Variants in SYNE2 observed in about 807,000 individuals in gnomAD.
SYNE2 encodes spectrin repeat containing nuclear envelope protein 2, also known as nesprin-2.
A neutral mutation model predicts 856.3 loss-of-function variants in SYNE2; 431 were observed. That is an observed-to-expected ratio of 0.50 (90% CI 0.47 to 0.55). SYNE2 has a LOEUF of 0.55. Among genes scored for constraint, SYNE2 ranks in the 20% least tolerant of loss-of-function variants. The probability of loss-of-function intolerance (pLI) is 0.00; values close to 1 mark genes in which losing one functional copy is unlikely to be tolerated. For synonymous variants in SYNE2, 2,923 were observed against 2,872.3 expected (o/e 1.02, Z -0.56); for missense variants, 8,129 against 8,023.2 (o/e 1.01, Z -0.50).
chr14:64,215,693 A>T, intron 107 of SYNE2: 1 of 447,388 alleles, frequency 2.2e-6, no homozygotes, highest in Non-Finnish European at 4.0e-6. Flanking sequence ...CTTGGTTTGG[A>T]ACTGTTTCCT....
chr14:63,765,509 T>A (rs984677341), intron 1 of SYNE2, among the ~76,000 whole-genome samples: 1 of 152,068 alleles, frequency 6.6e-6, no homozygotes, highest in African/African-American at 2.4e-5. Flanking sequence ...CCCGCCACCA[T>A]GCCCGGCTAA....
intron 84 of SYNE2, among the ~76,000 whole-genome samples, chr14:64,146,477 T>C (rs1460368049): frequency 4.6e-5 from 7 of 152,254 alleles, no homozygotes; most frequent in Non-Finnish European, 1.0e-4. Context: ...AGTAGTACTC[T>C]TGGGGAAAAA....
At chr14:63,806,544 T>C (rs554207284) in intron 1 of SYNE2, among the ~76,000 whole-genome samples, 1 of 152,242 alleles carries the variant, frequency 6.6e-6, no homozygotes, top group South Asian at 2.1e-4. Context: ...TTCAGTAGGA[T>C]AGGTACCAGC....
At chr14:64,158,843 A>T (rs986402761) in intron 86 of SYNE2, 48 bp downstream of exon 86, 1 of 1,596,330 alleles carries the variant, frequency 6.3e-7, no homozygotes, top group African/African-American at 1.3e-5. Context: ...AGGAAATTAC[A>T]AATGGGAGGA....
chr14:63,933,720 G>T (rs2095794942), intron 2 of SYNE2, among the ~76,000 whole-genome samples: 1 of 152,088 alleles, frequency 6.6e-6, no homozygotes. Flanking sequence ...ATTCATCATT[G>T]TAGTAGATTG....
chr14:64,053,679 G>T, intron 48 of SYNE2, 22 bp downstream of exon 48: 2 of 1,610,108 alleles, frequency 1.2e-6, no homozygotes, highest in Non-Finnish European at 1.7e-6. Flanking sequence ...AAATTATGCA[G>T]TTAGTGGCTG....
chr14:64,118,920 T>C (rs576247885), intron 66 of SYNE2, among the ~76,000 whole-genome samples: 22 of 152,194 alleles, frequency 1.4e-4, no homozygotes, highest in Middle Eastern at 6.8e-3. Flanking sequence ...TCTGCACTTT[T>C]TAAGCACAGA....
At chr14:64,160,000 T>A (rs1335160517) in intron 87 of SYNE2, among the ~76,000 whole-genome samples, 4 of 152,200 alleles carry the variant, frequency 2.6e-5, no homozygotes, top group Admixed American at 6.5e-5. Flanking sequence ...CTCCAACCAA[T>A]TGATTAGAGA....
At position 64,137,994 on chromosome 14, in the gene SYNE2, T is replaced by C; in HGVS notation, c.14843+11T>C. On this transcript the variant is annotated intron_variant, in intron 79 of 115. Transcript: ENST00000555002. ...CAAGCATCTGCTCAGGTCAGCCTTT[T>C]TGGGGGTGGATTGGCTTCATATTGT... 1 of 1,610,998 alleles carries C rather than the reference T, an allele frequency of 6.2e-7. No homozygotes were observed. Among genetic ancestry groups the C allele is most frequent in the African/African-American group, 1.3e-5 (1 of 74,934 alleles).
chr14:63,851,985 G>T (rs1397461171), upstream of SYNE2, among the ~76,000 whole-genome samples: 4 of 59,936 alleles, frequency 6.7e-5, no homozygotes, highest in Non-Finnish European at 1.3e-4. Flanking sequence ...CGGGGGGGGG[G>T]GGGGGGGGAA....
At chr14:64,156,794 CT>C (rs985480086) in intron 85 of SYNE2, among the ~76,000 whole-genome samples, 1 of 152,180 alleles carries the variant, frequency 6.6e-6, no homozygotes, top group African/African-American at 2.4e-5. Context: ...AACTTGGTTT[CT>C]TTTCCTTAGC....
At chr14:63,814,899 T>TCCATATATAG (rs369284630) in intron 1 of SYNE2, among the ~76,000 whole-genome samples, 2 of 58,370 alleles carry the variant, frequency 3.4e-5, no homozygotes, top group East Asian at 9.3e-4. Flanking sequence ...TCCATATATA[T>TCCATATATAG]ATCCATATAT....
At chr14:63,785,331 A>C (rs1887479258) in intron 1 of SYNE2, among the ~76,000 whole-genome samples, 1 of 152,006 alleles carries the variant, frequency 6.6e-6, no homozygotes, top group Admixed American at 6.6e-5. Flanking sequence ...GGTGGTGCAC[A>C]CCTGTGGTCC....
At chr14:64,155,189 T>C (rs2098275556) in intron 85 of SYNE2, among the ~76,000 whole-genome samples, 1 of 152,212 alleles carries the variant, frequency 6.6e-6, no homozygotes, top group Non-Finnish European at 1.5e-5. Flanking sequence ...GCATGATTCA[T>C]GATAGCCAGA....
chr14:64,119,691 A>G (rs2097883593), intron 67 of SYNE2, 82 bp downstream of exon 67: 21 of 1,426,238 alleles, frequency 1.5e-5, no homozygotes, highest in Non-Finnish European at 2.0e-5. Flanking sequence ...GTTGGAAGTG[A>G]TGAACCAGCT....
intron 2 of SYNE2, among the ~76,000 whole-genome samples, chr14:63,926,132 C>T: frequency 6.6e-6 from 1 of 152,202 alleles, no homozygotes; most frequent in Middle Eastern, 3.4e-3. Context: ...GTGTGAGCCA[C>T]CGCACCTGGC....
rs1023327902 is a variant in SYNE2, at chr14:64,103,788, C to T, written c.12492+1746C>T. ...CAGAACCAGCCTGCATCTTCAGTAGCTCCACAGAAGGCTTTGGTCCCTGGG... is the reference window on the plus strand; with the variant it reads ...CAGAACCAGCCTGCATCTTCAGTAGTTCCACAGAAGGCTTTGGTCCCTGGG... On this transcript the variant is annotated intron_variant, in intron 64 of 115. Coordinates refer to ENST00000555002, the MANE Select transcript of SYNE2 (RefSeq NM_182914.3). Among the ~76,000 whole-genome samples, 11 of 152,272 alleles carry T rather than the reference C, an allele frequency of 7.2e-5. 1 individual carries two copies. Among genetic ancestry groups the T allele is most frequent in the Admixed American group, 5.2e-4 (8 of 15,286 alleles).
rs145769165 is a variant in SYNE2 at position 64,141,560 on chromosome 14, C to T, written c.15159+37C>T. On this transcript the variant is annotated intron_variant, in intron 81 of 115. Transcript: ENST00000555002. ...GAGCCTCAGCATTTGAATTAGCATT[C>T]ACTTGTTAGCTCATAACTCTTTTAA... 144 of 1,588,922 alleles carry T rather than the reference C, an allele frequency of 9.1e-5. No individual in the cohort carries two copies. The African/African-American group carries it at 1.8e-3, about 20-fold the overall frequency.
At chr14:64,112,766 A>C (rs2097821597) in intron 65 of SYNE2, among the ~76,000 whole-genome samples, 1 of 152,196 alleles carries the variant, frequency 6.6e-6, no homozygotes, top group Admixed American at 6.6e-5. Flanking sequence ...ACTTGACTCA[A>C]GCTGTTTTTA....
Sources: gnomAD v4.1 joint callset for allele counts (sites outside exome capture counted in the v4.1 genomes callset) on GRCh38, gnomAD v4.1.1 for gene constraint, MANE v1.5 for transcripts, NCBI Gene and HGNC (gene_info 2026-07-23, HGNC 2026-07-21) for gene names.